Variants in GLIS3 observed in about 807,000 individuals in gnomAD.
GLIS3 encodes the protein zinc finger protein GLIS3.
GLIS3 carries 53 observed loss-of-function variants against 78.6 expected under a neutral mutation model. The observed-to-expected ratio is 0.67, with a 90% CI of 0.54 to 0.85. GLIS3 has a LOEUF of 0.85. GLIS3 is among the 40% of genes least tolerant of loss of function. The pLI is 0.00. For missense variants in GLIS3, 1,703 were observed against 1,231.1 expected (o/e 1.38, Z -5.74); for synonymous variants, 684 against 509.9 (o/e 1.34, Z -4.60).
At chr9:4,228,370 C>T (rs1173060883) in intron 2 of GLIS3, among the ~76,000 whole-genome samples, 6 of 152,126 alleles carry the variant, frequency 3.9e-5, no homozygotes, top group Non-Finnish European at 7.3e-5. Flanking sequence ...GCGAATGTAA[C>T]AGGTGAAGCT....
intron 2 of GLIS3, among the ~76,000 whole-genome samples, chr9:4,329,574 T>C (rs1817653222): frequency 6.6e-6 from 1 of 152,140 alleles, no homozygotes; most frequent in African/African-American, 2.4e-5. Context: ...AAGAATGTGC[T>C]ACACACTGTG....
At chr9:4,207,885 T>C (rs953216946) in intron 2 of GLIS3, among the ~76,000 whole-genome samples, 1 of 152,234 alleles carries the variant, frequency 6.6e-6, no homozygotes, top group African/African-American at 2.4e-5. Context: ...GATTCTATAA[T>C]TCTAACTTCG....
At chr9:4,356,742 G>A in the GLIS3 span, among the ~76,000 whole-genome samples, 1 of 152,172 alleles carries the variant, frequency 6.6e-6, no homozygotes, top group Non-Finnish European at 1.5e-5. Flanking sequence ...CATCAACAAT[G>A]AATTTGGAAT....
chr9:4,371,385 T>G, the GLIS3 span, among the ~76,000 whole-genome samples: 56 of 152,336 alleles, frequency 3.7e-4, no homozygotes, highest in Non-Finnish European at 6.6e-4. Flanking sequence ...TCAGTCGTCC[T>G]AAGCCCCAGG....
At chr9:4,336,641 A>G (rs192246981) in intron 2 of GLIS3, among the ~76,000 whole-genome samples, 2 of 152,372 alleles carry the variant, frequency 1.3e-5, no homozygotes, top group East Asian at 3.9e-4. Context: ...AAGCGACAGA[A>G]CTAGGGTTTA....
intron 4 of GLIS3, among the ~76,000 whole-genome samples, chr9:4,061,378 C>G (rs1044577534): frequency 6.6e-6 from 1 of 152,010 alleles, no homozygotes; most frequent in African/African-American, 2.4e-5. Flanking sequence ...ATCCATGTTC[C>G]TACAAAACAT....
intron 2 of GLIS3, among the ~76,000 whole-genome samples, chr9:4,259,863 T>C (rs189336599): frequency 6.6e-6 from 1 of 152,332 alleles, no homozygotes; most frequent in East Asian, 1.9e-4. Flanking sequence ...CTTTGCCATG[T>C]GAACTAAGGT....
the GLIS3 span, among the ~76,000 whole-genome samples, chr9:4,412,246 T>A: frequency 1.3e-5 from 2 of 152,186 alleles, no homozygotes; most frequent in Admixed American, 1.3e-4. Flanking sequence ...TGAAATTAAG[T>A]TGCGAGAGGT....
At chr9:4,120,183 C>A (rs143097208) in intron 3 of GLIS3, among the ~76,000 whole-genome samples, 1 of 152,306 alleles carries the variant, frequency 6.6e-6, no homozygotes, top group East Asian at 1.9e-4. Flanking sequence ...CATTTTCATC[C>A]CACCTGTTCA....
intron 2 of GLIS3, among the ~76,000 whole-genome samples, chr9:4,189,253 C>T (rs199888515): frequency 3.3e-5 from 5 of 152,228 alleles, no homozygotes; most frequent in East Asian, 3.9e-4. Context: ...TTTCATTATG[C>T]ACCCAGTAGT....
In GLIS3 at chr9:4,084,708, C is replaced by T. The variant is rs539639918; in HGVS notation, c.1710+33060G>A. 3.3e-5 allele frequency among the ~76,000 whole-genome samples: 5 copies of T among 152,206 alleles called. No individual in the cohort carries two copies. The South Asian group carries it at 6.2e-4, about 19-fold the overall frequency. On this transcript the variant is annotated intron_variant, in intron 4 of 10. Coordinates refer to ENST00000381971, the MANE Select transcript of GLIS3 (RefSeq NM_001042413.2). ...AAAGTTATAAACAACAGAAGCATGC[C>T]GTACAGTAAAGCTGCGCTTCAAGCT...
At chr9:3,997,802 G>A (rs915363882) in intron 4 of GLIS3, among the ~76,000 whole-genome samples, 5 of 151,820 alleles carry the variant, frequency 3.3e-5, no homozygotes, top group African/African-American at 1.2e-4. Flanking sequence ...AAGAAAAAGA[G>A]TTATGCTATG....
intron 4 of GLIS3, among the ~76,000 whole-genome samples, chr9:4,055,338 G>T (rs1224947925): frequency 1.3e-5 from 2 of 152,152 alleles, no homozygotes; most frequent in Admixed American, 1.3e-4. Context: ...TAAATCAAGG[G>T]TGCCTCCGTC....
chr9:4,328,528 C>G (rs532493284), intron 2 of GLIS3, among the ~76,000 whole-genome samples: 2 of 152,330 alleles, frequency 1.3e-5, no homozygotes, highest in South Asian at 2.1e-4. Context: ...CAGATCAGCC[C>G]CTCCATAAAG....
At chr9:4,453,349 A>AAAAG in the GLIS3 span, among the ~76,000 whole-genome samples, 4 of 133,610 alleles carry the variant, frequency 3.0e-5, 1 homozygote, top group South Asian at 8.4e-4. Context: ...GCACAGCAAA[A>AAAAG]AAAAAAAAAA....
chr9:4,376,062 C>G, the GLIS3 span, among the ~76,000 whole-genome samples: 1 of 152,094 alleles, frequency 6.6e-6, no homozygotes, highest in Non-Finnish European at 1.5e-5. Flanking sequence ...GCTGAAACAC[C>G]AGACAAAATA....
the GLIS3 span, among the ~76,000 whole-genome samples, chr9:4,485,528 C>G: frequency 6.6e-6 from 1 of 152,158 alleles, no homozygotes; most frequent in Non-Finnish European, 1.5e-5. Flanking sequence ...AAAACTCCAG[C>G]CTCCAAATTT....
the GLIS3 span, among the ~76,000 whole-genome samples, chr9:4,416,182 G>A: frequency 7.1e-6 from 1 of 140,940 alleles, no homozygotes; most frequent in Non-Finnish European, 1.5e-5. Flanking sequence ...AGCCCAGGAG[G>A]TTGAGGCAGC....
At chr9:4,060,466 T>A (rs1826554473) in intron 4 of GLIS3, among the ~76,000 whole-genome samples, 1 of 152,176 alleles carries the variant, frequency 6.6e-6, no homozygotes, top group Non-Finnish European at 1.5e-5. Flanking sequence ...TAATCCCCAG[T>A]GTGGCAGTAT....
Sources: gnomAD v4.1 joint callset for allele counts (sites outside exome capture counted in the v4.1 genomes callset) on GRCh38, gnomAD v4.1.1 for gene constraint, MANE v1.5 for transcripts, NCBI Gene and HGNC (gene_info 2026-07-23, HGNC 2026-07-21) for gene names.